CDH9: variants seen among roughly 807,000 people sequenced by gnomAD.
The protein encoded by CDH9 is cadherin-9.
A neutral mutation model predicts 70.9 loss-of-function variants in CDH9; 28 were observed. The observed-to-expected ratio is 0.40, with a 90% CI of 0.29 to 0.54. The LOEUF (loss-of-function observed/expected upper bound fraction) is 0.54. Ranked by LOEUF, CDH9 falls within the 20% of genes least tolerant of loss-of-function variation. The pLI, the probability that CDH9 is intolerant of heterozygous loss-of-function variation, is 0.59. For missense variants in CDH9, 874 were observed against 984.4 expected (o/e 0.89, Z 1.50); for synonymous variants, 409 against 343.1 (o/e 1.19, Z -2.12).
chr5:26,897,379 C>G (rs1183403072), intron 7 of CDH9, among the ~76,000 whole-genome samples: 3 of 152,028 alleles, frequency 2.0e-5, no homozygotes, highest in African/African-American at 7.2e-5. Flanking sequence ...AAGAAAATTT[C>G]AGGCCAATAA....
At chr5:26,922,798 A>G (rs1041458789) in intron 2 of CDH9, among the ~76,000 whole-genome samples, 1 of 152,000 alleles carries the variant, frequency 6.6e-6, no homozygotes, top group African/African-American at 2.4e-5. Context: ...ACTTTTTAAG[A>G]CATAGTATAA....
At chr5:26,922,299 A>T (rs1270759555) in intron 2 of CDH9, among the ~76,000 whole-genome samples, 24 of 152,098 alleles carry the variant, frequency 1.6e-4, no homozygotes, top group Non-Finnish European at 4.4e-5. Flanking sequence ...CAAACTTCCA[A>T]GGTCAAGGAC....
rs191517705 is a variant in CDH9 at position 27,027,171 on chromosome 5, T to C, written c.-50+11292A>G. On this transcript the variant is annotated intron_variant, in intron 1 of 11. Transcript: ENST00000231021. ...CTCATTTTAACTTCAAGCGATAAAG[T>C]GTAGAGTGTTCTATCTATGATATTG... Among the ~76,000 whole-genome samples, 338 of 152,138 alleles carry C rather than the reference T, an allele frequency of 2.2e-3. 2 individuals carry two copies. The highest frequency in any genetic ancestry group is 7.9e-3 in the African/African-American group (327 of 41,566).
intron 2 of CDH9, among the ~76,000 whole-genome samples, chr5:26,953,698 T>A (rs1390345344): frequency 6.6e-6 from 1 of 152,168 alleles, no homozygotes; most frequent in African/African-American, 2.4e-5. Flanking sequence ...CTCTCATCCC[T>A]TCATTCCATC....
chr5:27,013,862 C>T (rs1380267389), intron 1 of CDH9, among the ~76,000 whole-genome samples: 1 of 151,872 alleles, frequency 6.6e-6, no homozygotes, highest in African/African-American at 2.4e-5. Flanking sequence ...TTCTATATCC[C>T]ATACAAAATG....
chr5:27,010,566 T>C lies in CDH9; in HGVS notation c.-49-22184A>G, dbSNP rs148606145. Among the ~76,000 whole-genome samples the C allele has an allele frequency of 4.4e-3, 671 of 152,228 alleles. 5 individuals are homozygous for C. Among genetic ancestry groups the C allele is most frequent in the African/African-American group, 0.015 (637 of 41,558 alleles). On this transcript the variant is annotated intron_variant, in intron 1 of 11. Coordinates refer to ENST00000231021, the MANE Select transcript of CDH9 (RefSeq NM_016279.4). ...ACAAGCACACCCTAGGAATATTCTG[T>C]TTTCCCACATTTTGCCCGAAAATCC...
chr5:26,924,003 G>T (rs1315716200), intron 2 of CDH9, among the ~76,000 whole-genome samples: 3 of 151,550 alleles, frequency 2.0e-5, no homozygotes, highest in Non-Finnish European at 2.9e-5. Context: ...AAAAGCAAGA[G>T]AAAACCAAGC....
intron 2 of CDH9, among the ~76,000 whole-genome samples, chr5:26,924,983 C>T (rs1253405265): frequency 2.6e-5 from 4 of 151,994 alleles, no homozygotes; most frequent in Non-Finnish European, 5.9e-5. Context: ...CCAAGTCTTT[C>T]CTATCGTGAA....
At chr5:27,035,399 A>G (rs529282249) in intron 1 of CDH9, among the ~76,000 whole-genome samples, 1 of 151,788 alleles carries the variant, frequency 6.6e-6, no homozygotes, top group East Asian at 1.9e-4. Flanking sequence ...AATATGCAAG[A>G]TACAGAGAAA....
chr5:26,958,625 C>T (rs1741985196), intron 2 of CDH9, among the ~76,000 whole-genome samples: 1 of 151,984 alleles, frequency 6.6e-6, no homozygotes, highest in Admixed American at 6.6e-5. Context: ...AAAAATAAAC[C>T]AAGAAGACAC....
At chr5:26,937,421 C>T (rs1741578400) in intron 2 of CDH9, among the ~76,000 whole-genome samples, 1 of 152,086 alleles carries the variant, frequency 6.6e-6, no homozygotes, top group South Asian at 2.1e-4. Context: ...TGGTAAAATG[C>T]TTTAATAAAA....
chr5:26,900,344 G>A (rs577056801), intron 7 of CDH9, among the ~76,000 whole-genome samples: 1 of 152,110 alleles, frequency 6.6e-6, no homozygotes, highest in East Asian at 1.9e-4. Flanking sequence ...CTATGAAGCA[G>A]TACTTCCATT....
intron 2 of CDH9, among the ~76,000 whole-genome samples, chr5:26,972,550 A>G (rs1742237555): frequency 1.3e-5 from 2 of 152,122 alleles, no homozygotes. Context: ...CCCTCCCTAT[A>G]TAAGGATTTC....
intron 3 of CDH9, among the ~76,000 whole-genome samples, chr5:26,911,488 C>A (rs951841540): frequency 1.3e-5 from 2 of 151,822 alleles, no homozygotes; most frequent in Non-Finnish European, 1.5e-5. Flanking sequence ...GGTTGGGGGT[C>A]AAAGTGTTAG....
intron 11 of CDH9, among the ~76,000 whole-genome samples, chr5:26,883,651 G>C (rs1740512143): frequency 6.6e-6 from 1 of 152,022 alleles, no homozygotes; most frequent in Admixed American, 6.6e-5. Flanking sequence ...TGTGTGATTT[G>C]ATAAGCAAGC....
chr5:26,998,734 A>T (rs77756232), intron 1 of CDH9, among the ~76,000 whole-genome samples: 3 of 146,204 alleles, frequency 2.1e-5, no homozygotes, highest in African/African-American at 2.5e-5. Flanking sequence ...GTATAATAAT[A>T]AAAAAAAAAG....
At chr5:26,968,788 T>C (rs578142690) in intron 2 of CDH9, among the ~76,000 whole-genome samples, 2 of 151,980 alleles carry the variant, frequency 1.3e-5, no homozygotes, top group Non-Finnish European at 2.9e-5. Flanking sequence ...ACTGTTTTCA[T>C]GCCTTCAAAA....
chr5:26,893,696 A>T (rs1168702321), intron 7 of CDH9, among the ~76,000 whole-genome samples: 2 of 135,576 alleles, frequency 1.5e-5, no homozygotes, highest in Non-Finnish European at 3.2e-5. Context: ...ATTTTATTTT[A>T]TTTTATTTTT....
chr5:26,982,327 C>T (rs779517101), intron 2 of CDH9, among the ~76,000 whole-genome samples: 1 of 152,014 alleles, frequency 6.6e-6, no homozygotes, highest in Non-Finnish European at 1.5e-5. Context: ...TTTTAAATGG[C>T]TTCACAGTTA....
Sources: allele counts gnomAD v4.1 joint callset (sites outside exome capture counted in the v4.1 genomes callset), GRCh38; gene constraint gnomAD v4.1.1; transcripts MANE v1.5; gene names NCBI Gene and HGNC (gene_info 2026-07-23, HGNC 2026-07-21).